FBXL17: variants seen among roughly 807,000 people sequenced by gnomAD.
FBXL17 encodes the protein F-box and leucine rich repeat protein 17, also known as F-box/LRR-repeat protein 17.
FBXL17 carries 22 observed loss-of-function variants against 66.2 expected under a neutral mutation model. The observed-to-expected ratio is 0.33, with a 90% CI of 0.24 to 0.47. The LOEUF is 0.47. Ranked by LOEUF, FBXL17 falls within the 20% of genes least tolerant of loss-of-function variation. The pLI, the probability that FBXL17 is intolerant of heterozygous loss-of-function variation, is 1.00. For missense variants in FBXL17, 878 were observed against 948.2 expected, an observed-to-expected ratio of 0.93 and a Z score of 0.97; for synonymous variants, 474 against 400.5, an observed-to-expected ratio of 1.18 and a Z score of -2.19.
chr5:108,160,416 A>G (rs924898179), intron 6 of FBXL17, among the ~76,000 whole-genome samples: 1 of 152,232 alleles, frequency 6.6e-6, no homozygotes, highest in African/African-American at 2.4e-5. Flanking sequence ...ACTACAGTAT[A>G]GTAATTAGAC....
chr5:108,372,514 C>G (rs1241224016), intron 1 of FBXL17, among the ~76,000 whole-genome samples: 2 of 152,008 alleles, frequency 1.3e-5, no homozygotes, highest in Non-Finnish European at 2.9e-5. Context: ...ACCGAGAGAA[C>G]CCTGAAAGCA....
intron 7 of FBXL17, among the ~76,000 whole-genome samples, chr5:108,018,535 C>T (rs1025362619): frequency 7.9e-5 from 12 of 152,100 alleles, no homozygotes; most frequent in Admixed American, 3.9e-4. Flanking sequence ...TATTGTAGTA[C>T]GATCTCATAA....
chr5:108,183,704 A>G (rs1753106704), intron 6 of FBXL17, among the ~76,000 whole-genome samples: 1 of 152,056 alleles, frequency 6.6e-6, no homozygotes, highest in Non-Finnish European at 1.5e-5. Flanking sequence ...GGCAGTTTTT[A>G]TCCCTCGCCC....
chr5:108,226,023 T>C (rs1580650005), intron 4 of FBXL17, among the ~76,000 whole-genome samples: 3 of 152,290 alleles, frequency 2.0e-5, no homozygotes, highest in East Asian at 3.9e-4. Context: ...CCTTAGGTGA[T>C]CAAAACTAAT....
chr5:107,985,864 T>C (rs1752993454), intron 7 of FBXL17, among the ~76,000 whole-genome samples: 1 of 152,122 alleles, frequency 6.6e-6, no homozygotes, highest in Admixed American at 6.5e-5. Flanking sequence ...GGGTAGAAAG[T>C]AGGGAAGGTG....
At chr5:108,273,824 T>A (rs1197494026) in intron 4 of FBXL17, among the ~76,000 whole-genome samples, 1 of 151,964 alleles carries the variant, frequency 6.6e-6, no homozygotes, top group African/African-American at 2.4e-5. Context: ...AGCTTGCTGT[T>A]TTCATTAAGA....
intron 4 of FBXL17, among the ~76,000 whole-genome samples, chr5:108,344,533 T>G (rs978198404): frequency 2.0e-5 from 3 of 152,054 alleles, no homozygotes; most frequent in Non-Finnish European, 2.9e-5. Flanking sequence ...CGCATACAGA[T>G]CTACATCAAA....
At chr5:108,262,199 C>T (rs577097908) in intron 4 of FBXL17, among the ~76,000 whole-genome samples, 176 of 151,792 alleles carry the variant, frequency 1.2e-3, no homozygotes, top group Non-Finnish European at 1.8e-3. Flanking sequence ...GCCTCGGCCT[C>T]CCAAATAGCT....
At chr5:107,989,407 T>C (rs2112688568) in intron 7 of FBXL17, among the ~76,000 whole-genome samples, 1 of 152,266 alleles carries the variant, frequency 6.6e-6, no homozygotes, top group South Asian at 2.1e-4. Flanking sequence ...GTGCCTGGTT[T>C]ATTTCACTTA....
intron 6 of FBXL17, among the ~76,000 whole-genome samples, chr5:108,157,730 A>T (rs1434590944): frequency 6.6e-6 from 1 of 152,018 alleles, no homozygotes; most frequent in Admixed American, 6.5e-5. Context: ...TATTAAAAAA[A>T]ACTGAGAACC....
chr5:107,913,061 T>A (rs528536335), intron 7 of FBXL17, among the ~76,000 whole-genome samples: 2 of 152,204 alleles, frequency 1.3e-5, no homozygotes, highest in South Asian at 4.2e-4. Context: ...GATCATATTT[T>A]ATTTATTTTT....
chr5:107,868,041 G>T (rs547223880), intron 8 of FBXL17, among the ~76,000 whole-genome samples: 17 of 152,348 alleles, frequency 1.1e-4, no homozygotes, highest in African/African-American at 4.1e-4. Flanking sequence ...GGACGGGGAA[G>T]ACAGGAAAGG....
At chr5:107,885,341 CAG>C (rs1391195930) in intron 7 of FBXL17, among the ~76,000 whole-genome samples, 1 of 152,122 alleles carries the variant, frequency 6.6e-6, no homozygotes, top group Non-Finnish European at 1.5e-5. Context: ...ATACAAATGA[CAG>C]AGTGATTAAA....
intron 7 of FBXL17, among the ~76,000 whole-genome samples, chr5:107,970,700 T>A (rs1210610273): frequency 6.6e-6 from 1 of 152,162 alleles, no homozygotes. Context: ...ACGTTGGCCA[T>A]TTATCTTGCC....
intron 3 of FBXL17, among the ~76,000 whole-genome samples, chr5:108,364,303 G>C (rs370858380): frequency 1.4e-4 from 21 of 151,572 alleles, no homozygotes; most frequent in Non-Finnish European, 2.5e-4. Flanking sequence ...AGGTAATTAG[G>C]CCTTTGTTCT....
At chr5:108,298,446 C>G (rs1758439040) in intron 4 of FBXL17, 1 of 971,858 alleles carries the variant, frequency 1.0e-6, no homozygotes, top group African/African-American at 1.8e-5. Flanking sequence ...CTAAACAAAA[C>G]TTCAGTAGGC....
At chr5:108,053,093 C>T (rs1276994249) in intron 6 of FBXL17, among the ~76,000 whole-genome samples, 1 of 152,180 alleles carries the variant, frequency 6.6e-6, no homozygotes, top group Non-Finnish European at 1.5e-5. Context: ...ACCATAAAAA[C>T]TCTAGAAGAA....
intron 7 of FBXL17, among the ~76,000 whole-genome samples, chr5:107,940,393 C>T (rs1211622518): frequency 2.0e-5 from 3 of 152,058 alleles, no homozygotes; most frequent in Non-Finnish European, 4.4e-5. Context: ...CAAACAACAA[C>T]AGTGAGATGG....
chr5:108,142,916 T>C (rs1198522450), intron 6 of FBXL17, among the ~76,000 whole-genome samples: 3 of 151,782 alleles, frequency 2.0e-5, no homozygotes, highest in Non-Finnish European at 4.4e-5. Context: ...CAAACCACCA[T>C]GGCATGTTTA....
Sources: gnomAD v4.1 joint callset for allele counts (sites outside exome capture counted in the v4.1 genomes callset) on GRCh38, gnomAD v4.1.1 for gene constraint, MANE v1.5 for transcripts, NCBI Gene and HGNC (gene_info 2026-07-23, HGNC 2026-07-21) for gene names.